LTN1: variants seen among roughly 807,000 people sequenced by gnomAD.
LTN1 encodes the protein E3 ubiquitin-protein ligase listerin.
Under a neutral mutation model 201.2 loss-of-function variants are expected in LTN1, and 88 were observed. The observed-to-expected ratio is 0.44, with a 90% CI of 0.37 to 0.52. The LOEUF (loss-of-function observed/expected upper bound fraction) is 0.52, where lower values mean the gene tolerates loss of function less well. Among genes scored for constraint, LTN1 ranks in the 20% least tolerant of loss-of-function variants. The pLI, the probability that LTN1 is intolerant of heterozygous loss-of-function variation, is 0.00. For synonymous variants in LTN1, 645 were observed against 713.5 expected, an observed-to-expected ratio of 0.90 and a Z score of 1.53; for missense variants, 1,752 against 2,038.7, an observed-to-expected ratio of 0.86 and a Z score of 2.71.
intron 3 of LTN1, among the ~76,000 whole-genome samples, chr21:28,985,243 G>T (rs950870823): frequency 2.0e-5 from 3 of 151,942 alleles, no homozygotes; most frequent in Non-Finnish European, 2.9e-5. Context: ...GCGGATTATT[G>T]GCGGTCAGGA....
chr21:28,973,208 C>T (rs967258494), intron 6 of LTN1, among the ~76,000 whole-genome samples: 2 of 151,736 alleles, frequency 1.3e-5, no homozygotes, highest in Admixed American at 6.6e-5. Context: ...ATTAGCCAGG[C>T]ATGGTGGCAC....
chr21:28,961,529 G>T, intron 11 of LTN1: 1 of 165,760 alleles, frequency 6.0e-6, no homozygotes. Flanking sequence ...TCATTTCAAA[G>T]CAATCTGGAA....
Position 28,982,329 on chromosome 21 carries a change from G to C in LTN1, c.616C>G (p.Leu206Val). 1 of 1,613,366 alleles carries C rather than the reference G, an allele frequency of 6.2e-7. No individual in the cohort carries two copies. Among genetic ancestry groups the C allele is most frequent in the South Asian group, 1.1e-5 (1 of 91,054 alleles). ...DHLIKETPDT[L>V]SDPQTVPEEE... The stretch of plus-strand genomic sequence containing the variant: ...AATACAACTTACTGCGGGTCACTGA[G>C]TGTATCAGGTGTTTCTTTTATAAGA... Residue 206 changes from leucine to valine, a missense_variant, in exon 5 of 30, where the codon CTC (leucine) becomes GTC (valine). Coordinates refer to ENST00000361371, the MANE Select transcript of LTN1 (RefSeq NM_015565.3).
At chr21:28,989,964 C>G (rs1052415455) in intron 1 of LTN1, among the ~76,000 whole-genome samples, 7 of 150,682 alleles carry the variant, frequency 4.6e-5, no homozygotes, top group Non-Finnish European at 1.0e-4. Context: ...TGCAGTGACC[C>G]GAGACTCTGT....
intron 18 of LTN1, 55 bp from the exon 19 acceptor site, chr21:28,947,661 TTA>T: frequency 8.8e-7 from 1 of 1,132,872 alleles, no homozygotes; most frequent in Non-Finnish European, 1.2e-6. Context: ...TACAGTTATT[TTA>T]TATATTTCTT....
At position 28,943,826 on chromosome 21, in the gene LTN1, G is replaced by A; in HGVS notation, c.4061C>T (p.Ser1354Leu). Residue 1354 changes from serine (S) to leucine (L), a missense_variant, in exon 23 of 30, where the codon TCA becomes TTA. Around this residue, in one of 3 missense-constraint regions of LTN1, gnomAD observed 1,211 missense variants for 1,312.8 expected, o/e 0.92. Coordinates refer to ENST00000361371, the MANE Select transcript of LTN1 (RefSeq NM_015565.3). ...TTTGTGACTCAATAGCTGTTCCTTT[G>A]AGATATACGTTAATGTTTCACACAT... ...KPMCETLTYI[S>L]KEQLLSHKLP... The A allele has an allele frequency of 6.2e-7, 1 of 1,613,732 alleles. No homozygotes were observed. The highest frequency in any genetic ancestry group is 8.5e-7 in the Non-Finnish European group (1 of 1,179,768).
Position 28,935,266 on chromosome 21 carries a change from T to C in LTN1, c.4718A>G (p.Lys1573Arg). The change falls in exon 27 of 30, where the codon AAA (lysine) becomes AGA (arginine). Residue 1573 changes from lysine (K) to arginine (R), a missense_variant. By Grantham distance (26) the Lys-to-Arg change is conservative. Coordinates refer to ENST00000361371, the MANE Select transcript of LTN1 (RefSeq NM_015565.3). ...CAACCTAACCATGGCAGGCAAGTCT[T>C]TTAATGTCATATGATAGACTGAACA... ...LACSVYHMTL[K>R]DLPAMVRLWW... 1 of 1,614,144 alleles carries C rather than the reference T, an allele frequency of 6.2e-7. No homozygotes were observed. The highest frequency in any genetic ancestry group is 1.1e-5 in the South Asian group (1 of 91,090).
At chr21:28,953,123 A>G in intron 17 of LTN1, 94 bp downstream of exon 17, 1 of 767,104 alleles carries the variant, frequency 1.3e-6, no homozygotes, top group Non-Finnish European at 2.0e-6. Flanking sequence ...CTCTGACTGA[A>G]ACATTAGCAT....
intron 11 of LTN1, chr21:28,964,689 G>C: frequency 6.4e-7 from 1 of 1,550,466 alleles, no homozygotes. Flanking sequence ...CACTGGCTAG[G>C]AACTTCCAAT....
rs570191446 is a variant in LTN1, at chr21:28,951,159, C to A, written c.3344+1001G>T. Among the ~76,000 whole-genome samples the A allele has an allele frequency of 2.6e-5, 4 of 152,278 alleles. No homozygotes were observed. The East Asian group carries it at 7.7e-4, about 29-fold the overall frequency. ...CCACTGGGTAGATGTATGATTTATT[C>A]TTTGTATTACTTCTTACACATTCAT... On this transcript the variant is annotated intron_variant, in intron 18 of 29. Coordinates refer to ENST00000361371, the MANE Select transcript of LTN1 (RefSeq NM_015565.3).
At chr21:28,957,267 A>G in intron 15 of LTN1, 65 bp downstream of exon 15, 1 of 1,414,236 alleles carries the variant, frequency 7.1e-7, no homozygotes, top group South Asian at 1.4e-5. Context: ...CAAAATAAAA[A>G]TATTCAAGCT....
intron 25 of LTN1, among the ~76,000 whole-genome samples, chr21:28,938,947 G>T (rs1378427076): frequency 6.6e-6 from 1 of 152,154 alleles, no homozygotes; most frequent in African/African-American, 2.4e-5. Context: ...ATTACAATGG[G>T]ATGTTGAAAA....
chr21:28,961,530 C>T, intron 11 of LTN1: 1 of 165,214 alleles, frequency 6.1e-6, no homozygotes. Flanking sequence ...CATTTCAAAG[C>T]AATCTGGAAG....
chr21:28,970,514 CTGTTT>C, intron 8 of LTN1, 33 bp downstream of exon 8: 1 of 1,356,718 alleles, frequency 7.4e-7, no homozygotes, highest in African/African-American at 1.5e-5. Context: ...ACAAGAAAAT[CTGTTT>C]TGTTTTAAAA....
intron 16 of LTN1, among the ~76,000 whole-genome samples, chr21:28,955,266 G>A (rs1249807227): frequency 6.6e-6 from 1 of 151,954 alleles, no homozygotes; most frequent in East Asian, 1.9e-4. Context: ...CCAGGATAAA[G>A]ACCTGTCTGG....
intron 8 of LTN1, among the ~76,000 whole-genome samples, chr21:28,969,882 C>T (rs1209587194): frequency 6.6e-6 from 1 of 151,622 alleles, no homozygotes; most frequent in East Asian, 1.9e-4. Context: ...TAGGGTCTTA[C>T]TATCTTGACC....
intron 11 of LTN1, chr21:28,964,880 C>CCAAGT: frequency 7.4e-7 from 1 of 1,356,334 alleles, no homozygotes; most frequent in Non-Finnish European, 9.6e-7. Flanking sequence ...TGTAACTTGG[C>CCAAGT]TACAGGGAGA....
chr21:28,949,929 T>C (rs2084369514), intron 18 of LTN1, among the ~76,000 whole-genome samples: 1 of 152,208 alleles, frequency 6.6e-6, no homozygotes, highest in South Asian at 2.1e-4. Context: ...TTCACATTTA[T>C]GTGTGGATAG....
At position 28,951,146 on chromosome 21, in the gene LTN1, T is replaced by G. The variant is rs184241786; in HGVS notation, c.3344+1014A>C. Among the ~76,000 whole-genome samples the G allele has an allele frequency of 3.3e-5, 5 of 152,356 alleles. No individual in the cohort carries two copies. The East Asian group carries it at 7.7e-4, about 23-fold the overall frequency. ...ATGCAAAACAGTACCACTGGGTAGA[T>G]GTATGATTTATTCTTTGTATTACTT... On this transcript the variant is annotated intron_variant, in intron 18 of 29. Coordinates refer to ENST00000361371, the MANE Select transcript of LTN1 (RefSeq NM_015565.3).
Sources: allele counts gnomAD v4.1 joint callset (sites outside exome capture counted in the v4.1 genomes callset), GRCh38; gene constraint gnomAD v4.1.1; regional missense constraint gnomAD v4.1.1; transcripts MANE v1.5; gene names NCBI Gene and HGNC (gene_info 2026-07-23, HGNC 2026-07-21).